Variants in MALRD1 observed in about 807,000 individuals in gnomAD.
MALRD1 encodes the protein MAM and LDL receptor class A domain containing 1.
MALRD1 carries 247 observed loss-of-function variants against 242.1 expected under a neutral mutation model. The ratio of observed to expected loss-of-function variants is 1.02; its 90% CI spans 0.92 to 1.13. The LOEUF is 1.13. Among genes scored for constraint, MALRD1 ranks in the 50% most tolerant of loss-of-function variants. The pLI, the probability that MALRD1 is intolerant of heterozygous loss-of-function variation, is 0.00. For missense variants in MALRD1, 2,989 were observed against 2,533.1 expected (o/e 1.18, Z -3.86); for synonymous variants, 995 against 866.6 (o/e 1.15, Z -2.60).
At chr10:19,176,456 G>A (rs1406488966) in intron 14 of MALRD1, among the ~76,000 whole-genome samples, 1 of 137,902 alleles carries the variant, frequency 7.3e-6, no homozygotes, top group Non-Finnish European at 1.5e-5. Flanking sequence ...CTCACTGCAA[G>A]CTCCGCTTCC....
intron 34 of MALRD1, among the ~76,000 whole-genome samples, chr10:19,597,114 ATATATTCTCTC>A (rs1185690526): frequency 6.6e-6 from 1 of 152,168 alleles, no homozygotes; most frequent in Non-Finnish European, 1.5e-5. Flanking sequence ...TTTCCTACCT[ATATATTCTCTC>A]TGAGATAAAG....
intron 19 of MALRD1, among the ~76,000 whole-genome samples, chr10:19,274,014 G>A (rs1840381769): frequency 6.6e-6 from 1 of 152,136 alleles, no homozygotes. Context: ...CAAAATTCTT[G>A]TGCATTCCTG....
chr10:19,665,327 A>G (rs543313585), intron 36 of MALRD1, among the ~76,000 whole-genome samples: 1 of 152,276 alleles, frequency 6.6e-6, no homozygotes, highest in South Asian at 2.1e-4. Context: ...AGGGAAACTA[A>G]TGGTAGATGA....
At chr10:19,579,050 A>G (rs192587285) in intron 33 of MALRD1, among the ~76,000 whole-genome samples, 1 of 152,336 alleles carries the variant, frequency 6.6e-6, no homozygotes, top group Admixed American at 6.5e-5. Flanking sequence ...GTCGTATACA[A>G]TACTCTAAAG....
intron 23 of MALRD1, 141 bp downstream of exon 23, chr10:19,327,814 A>C: frequency 1.6e-6 from 1 of 616,700 alleles, no homozygotes; most frequent in Non-Finnish European, 2.8e-6. Context: ...CATGCTTAAC[A>C]CTCCATGGAG....
At chr10:19,639,205 C>T (rs1840276273) in intron 36 of MALRD1, among the ~76,000 whole-genome samples, 1 of 152,090 alleles carries the variant, frequency 6.6e-6, no homozygotes, top group South Asian at 2.1e-4. Flanking sequence ...ACTTTTGTTT[C>T]AGAAAAAGTA....
At chr10:19,129,374 G>A (rs936922930) in intron 8 of MALRD1, among the ~76,000 whole-genome samples, 4 of 152,052 alleles carry the variant, frequency 2.6e-5, no homozygotes, top group African/African-American at 7.2e-5. Context: ...GAGATGAATA[G>A]GGCAAAGTAT....
chr10:19,670,947 C>T (rs564587312), intron 36 of MALRD1, among the ~76,000 whole-genome samples: 2 of 150,106 alleles, frequency 1.3e-5, no homozygotes, highest in South Asian at 2.1e-4. Flanking sequence ...GGCACCATCT[C>T]GGCTCACTGC....
chr10:19,346,915 G>T (rs912632181), intron 24 of MALRD1, among the ~76,000 whole-genome samples: 4 of 152,106 alleles, frequency 2.6e-5, no homozygotes, highest in African/African-American at 7.2e-5. Flanking sequence ...CTCTCAACAT[G>T]CTAGGATTAC....
chr10:19,251,692 A>G (rs778066046), intron 18 of MALRD1, among the ~76,000 whole-genome samples: 1 of 152,008 alleles, frequency 6.6e-6, no homozygotes, highest in Admixed American at 6.6e-5. Flanking sequence ...CCAAATAACT[A>G]TGGGAACCAG....
chr10:19,716,413 C>T (rs73597603), intron 38 of MALRD1, among the ~76,000 whole-genome samples: 3,317 of 152,204 alleles, frequency 0.022, 113 homozygotes, highest in African/African-American at 0.075. Flanking sequence ...GGCACCTGCC[C>T]CAACTCTCTC....
Position 19,254,366 on chromosome 10 carries a change from T to C in MALRD1, c.2992-3318T>C, listed in dbSNP as rs534890779. Among the ~76,000 whole-genome samples, 7 of 152,124 alleles carry C rather than the reference T, an allele frequency of 4.6e-5. No individual in the cohort carries two copies. The South Asian group carries it at 1.4e-3, about 32-fold the overall frequency. On this transcript the variant is annotated intron_variant, in intron 18 of 39. Coordinates refer to ENST00000454679, the MANE Select transcript of MALRD1 (RefSeq NM_001142308.3). ...TTATCTGCTTACCAGTTGGGAGATA[T>C]TTGGGTTGATTTGAGCTTTTGGAGA...
chr10:19,454,143 ACAGT>A (rs58618723), intron 29 of MALRD1, among the ~76,000 whole-genome samples: 10,081 of 152,028 alleles, frequency 0.066, 1,038 homozygotes, highest in African/African-American at 0.23. Context: ...CTCACACAAA[ACAGT>A]CAGAGAACCT....
chr10:19,175,115 A>T (rs890765784), intron 13 of MALRD1, 93 bp from the exon 14 acceptor site: 1 of 892,010 alleles, frequency 1.1e-6, no homozygotes, highest in African/African-American at 1.7e-5. Context: ...AATGGGACAG[A>T]TGTAAATAGG....
intron 32 of MALRD1, among the ~76,000 whole-genome samples, chr10:19,550,790 G>T (rs1309846251): frequency 2.6e-5 from 4 of 152,080 alleles, no homozygotes; most frequent in Admixed American, 1.3e-4. Context: ...CATTAATAGT[G>T]CTGCAATGAA....
At chr10:19,450,182 CTTCT>C in intron 28 of MALRD1, 121 bp from the exon 29 acceptor site, 2 of 813,428 alleles carry the variant, frequency 2.5e-6, no homozygotes, top group Non-Finnish European at 3.7e-6. Flanking sequence ...AGATTCAGTG[CTTCT>C]TTGTTTTTTC....
chr10:19,483,455 CAAA>C (rs899018013), intron 29 of MALRD1, among the ~76,000 whole-genome samples: 1 of 151,772 alleles, frequency 6.6e-6, no homozygotes, highest in South Asian at 2.1e-4. Context: ...AGTTGATAAG[CAAA>C]AAAACCCATT....
At chr10:19,288,361 C>G (rs149490023) in intron 21 of MALRD1, among the ~76,000 whole-genome samples, 1 of 151,862 alleles carries the variant, frequency 6.6e-6, no homozygotes, top group Non-Finnish European at 1.5e-5. Flanking sequence ...TGATAACAAC[C>G]CTGTTGTGTT....
intron 24 of MALRD1, among the ~76,000 whole-genome samples, chr10:19,345,693 C>T (rs1459349240): frequency 6.6e-6 from 1 of 151,776 alleles, no homozygotes; most frequent in Non-Finnish European, 1.5e-5. Context: ...GAAGACATTA[C>T]AAATTTGTAT....
Sources: allele counts gnomAD v4.1 joint callset (sites outside exome capture counted in the v4.1 genomes callset), GRCh38; gene constraint gnomAD v4.1.1; transcripts MANE v1.5; gene names NCBI Gene and HGNC (gene_info 2026-07-23, HGNC 2026-07-21).